Variants in GLIS3 observed in about 807,000 individuals in gnomAD.
GLIS3 encodes zinc finger protein GLIS3.
GLIS3 carries 53 observed loss-of-function variants against 78.6 expected under a neutral mutation model. The observed-to-expected ratio is 0.67, with a 90% CI of 0.54 to 0.85. The LOEUF (loss-of-function observed/expected upper bound fraction) is 0.85, where lower values mean the gene tolerates loss of function less well. GLIS3 is among the 40% of genes least tolerant of loss of function. The pLI is 0.00. For synonymous variants in GLIS3, 684 were observed against 509.9 expected (o/e 1.34, Z -4.60); for missense variants, 1,703 against 1,231.1 (o/e 1.38, Z -5.74).
intron 2 of GLIS3, among the ~76,000 whole-genome samples, chr9:4,266,840 A>G (rs1307263208): frequency 6.6e-6 from 1 of 152,190 alleles, no homozygotes; most frequent in African/African-American, 2.4e-5. Flanking sequence ...CTTTTCTTCT[A>G]AATTTACCAA....
At chr9:4,385,052 T>C in the GLIS3 span, among the ~76,000 whole-genome samples, 1 of 152,166 alleles carries the variant, frequency 6.6e-6, no homozygotes, top group Non-Finnish European at 1.5e-5. Context: ...AAAACAATAG[T>C]GGAGCAATAT....
chr9:4,228,402 G>T (rs1821969012), intron 2 of GLIS3, among the ~76,000 whole-genome samples: 1 of 152,118 alleles, frequency 6.6e-6, no homozygotes, highest in South Asian at 2.1e-4. Flanking sequence ...TAACCCTCCA[G>T]TGCAATGATA....
At chr9:3,916,365 TC>T (rs1390292217) in intron 6 of GLIS3, among the ~76,000 whole-genome samples, 2 of 152,218 alleles carry the variant, frequency 1.3e-5, no homozygotes, top group Non-Finnish European at 2.9e-5. Flanking sequence ...ATTTCTCATG[TC>T]ATTACCACAG....
intron 2 of GLIS3, among the ~76,000 whole-genome samples, chr9:4,141,439 T>C (rs767381686): frequency 1.7e-4 from 26 of 152,166 alleles, no homozygotes; most frequent in Non-Finnish European, 3.2e-4. Context: ...ATGTGGGGCT[T>C]GGTCAAAGGG....
rs569475963 is a variant in GLIS3 at position 4,321,502 on chromosome 9, T to C, written n.265-10974A>G. On this transcript the variant is annotated intron_variant and non_coding_transcript_variant, in intron 2 of 4. Transcript: ENST00000471664. ...ACTGGATTAATCATAATCCTTGGTA[T>C]ATGTTATGCTATTAAATTACCCAGT... Among the ~76,000 whole-genome samples, 550 of 144,160 alleles carry C rather than the reference T, an allele frequency of 3.8e-3. 4 individuals carry two copies. Among genetic ancestry groups the C allele is most frequent in the Non-Finnish European group, 5.8e-3 (387 of 66,402 alleles). The allele number at this position is 144,160 out of a possible 152,430, so 94.6% of individuals were successfully genotyped here.
At chr9:4,063,937 C>G (rs1354452405) in intron 4 of GLIS3, among the ~76,000 whole-genome samples, 1 of 152,010 alleles carries the variant, frequency 6.6e-6, no homozygotes, top group Non-Finnish European at 1.5e-5. Context: ...TAAAGAAGAA[C>G]AGATCACAAA....
chr9:4,292,676 G>A (rs1816116160), intron 1 of GLIS3, among the ~76,000 whole-genome samples: 1 of 152,166 alleles, frequency 6.6e-6, no homozygotes, highest in Non-Finnish European at 1.5e-5. Context: ...TGCTCAATAA[G>A]TAATAACTGA....
chr9:3,901,980 G>A (rs868170963), intron 6 of GLIS3, among the ~76,000 whole-genome samples: 1 of 152,172 alleles, frequency 6.6e-6, no homozygotes, highest in Non-Finnish European at 1.5e-5. Context: ...GGCAGACATG[G>A]ATGCTTTTCT....
chr9:4,325,356 A>C (rs907730576), intron 2 of GLIS3, among the ~76,000 whole-genome samples: 1 of 152,224 alleles, frequency 6.6e-6, no homozygotes, highest in Non-Finnish European at 1.5e-5. Context: ...TAGAACCCTG[A>C]AAATGTGCTA....
chr9:4,130,365 A>C (rs1338567702), intron 2 of GLIS3, among the ~76,000 whole-genome samples: 1 of 152,240 alleles, frequency 6.6e-6, no homozygotes, highest in Admixed American at 6.5e-5. Context: ...AAGGCCCCAA[A>C]AGCATTTCAG....
the GLIS3 span, among the ~76,000 whole-genome samples, chr9:4,420,288 G>T: frequency 6.6e-6 from 1 of 152,142 alleles, no homozygotes; most frequent in African/African-American, 2.4e-5. Context: ...GAGTTTTAAG[G>T]AGTTTAAAAA....
At chr9:3,972,655 A>T (rs886344239) in intron 4 of GLIS3, among the ~76,000 whole-genome samples, 3 of 152,164 alleles carry the variant, frequency 2.0e-5, no homozygotes, top group Non-Finnish European at 4.4e-5. Flanking sequence ...AATACTATGA[A>T]ATGTGGTGGG....
At chr9:4,024,359 T>A (rs1435107118) in intron 4 of GLIS3, among the ~76,000 whole-genome samples, 2 of 152,210 alleles carry the variant, frequency 1.3e-5, no homozygotes, top group Admixed American at 6.5e-5. Context: ...AAGGTCATGA[T>A]AATGACTGTG....
intron 9 of GLIS3, among the ~76,000 whole-genome samples, chr9:3,840,174 C>A (rs1431285833): frequency 6.6e-6 from 1 of 152,156 alleles, no homozygotes; most frequent in Non-Finnish European, 1.5e-5. Context: ...GCCTTAAGTT[C>A]AACTATGTAA....
At chr9:4,066,063 C>T (rs926828686) in intron 4 of GLIS3, among the ~76,000 whole-genome samples, 23 of 145,190 alleles carry the variant, frequency 1.6e-4, no homozygotes, top group African/African-American at 5.3e-4. Context: ...AAGAAACAGG[C>T]GAAACTTAAA....
chr9:4,266,464 T>A (rs1196993708), intron 2 of GLIS3, among the ~76,000 whole-genome samples: 1 of 152,128 alleles, frequency 6.6e-6, no homozygotes, highest in African/African-American at 2.4e-5. Context: ...CAATAGTGAC[T>A]TTGTTTCTTT....
At chr9:4,139,236 G>C (rs962086970) in intron 2 of GLIS3, among the ~76,000 whole-genome samples, 2 of 152,194 alleles carry the variant, frequency 1.3e-5, no homozygotes, top group African/African-American at 2.4e-5. Context: ...GGCTGGGTGA[G>C]AAATGGCAAA....
At chr9:4,200,190 C>G (rs1281058030) in intron 2 of GLIS3, among the ~76,000 whole-genome samples, 1 of 152,052 alleles carries the variant, frequency 6.6e-6, no homozygotes, top group African/African-American at 2.4e-5. Flanking sequence ...TAAACACCTA[C>G]CTTGCAAAAT....
intron 8 of GLIS3, among the ~76,000 whole-genome samples, chr9:3,857,866 A>G (rs1236910341): frequency 1.3e-5 from 2 of 152,092 alleles, no homozygotes; most frequent in African/African-American, 2.4e-5. Flanking sequence ...TATGAAGGCT[A>G]TTTTCTGGGG....
Sources: allele counts gnomAD v4.1 joint callset (sites outside exome capture counted in the v4.1 genomes callset), GRCh38; gene constraint gnomAD v4.1.1; transcripts MANE v1.5; gene names NCBI Gene and HGNC (gene_info 2026-07-23, HGNC 2026-07-21).